KIF6: variants seen among roughly 807,000 people sequenced by gnomAD.
The protein encoded by KIF6 is kinesin family member 6.
A neutral mutation model predicts 112.7 loss-of-function variants in KIF6; 106 were observed. The ratio of observed to expected loss-of-function variants is 0.94; its 90% CI spans 0.80 to 1.11. The LOEUF is 1.11. KIF6 is among the 50% of genes least tolerant of loss of function. The pLI, the probability that KIF6 is intolerant of heterozygous loss-of-function variation, is 0.00. For missense variants in KIF6, 929 were observed against 964.0 expected, an observed-to-expected ratio of 0.96 and a Z score of 0.48; for synonymous variants, 339 against 339.9, an observed-to-expected ratio of 1.00 and a Z score of 0.03.
intron 3 of KIF6, among the ~76,000 whole-genome samples, chr6:39,648,834 A>G (rs1377351667): frequency 6.6e-6 from 1 of 152,130 alleles, no homozygotes; most frequent in Non-Finnish European, 1.5e-5. Flanking sequence ...GCGTAAAGGC[A>G]TGTGAGTTTA....
At chr6:39,646,361 T>C (rs1490055493) in intron 3 of KIF6, among the ~76,000 whole-genome samples, 1 of 152,046 alleles carries the variant, frequency 6.6e-6, no homozygotes, top group African/African-American at 2.4e-5. Flanking sequence ...GATTTTATAA[T>C]TGATGTCAGC....
In KIF6 at chr6:39,668,197, G is replaced by A. The variant is rs542999026; in HGVS notation, c.252-28440C>T. On this transcript the variant is annotated intron_variant, in intron 3 of 22. Coordinates refer to ENST00000287152, the MANE Select transcript of KIF6 (RefSeq NM_145027.6). ...CTTTATTAATTGCTTAGCCTCAGGC[G>A]TTCCTTTTTAGCAATGCAAGAACAG... Among the ~76,000 whole-genome samples the A allele has an allele frequency of 1.8e-3, 281 of 152,176 alleles. 1 individual carries two copies. Among genetic ancestry groups the A allele is most frequent in the African/African-American group, 6.6e-3 (273 of 41,520 alleles).
intron 5 of KIF6, among the ~76,000 whole-genome samples, chr6:39,631,939 A>G (rs1210049241): frequency 2.0e-5 from 3 of 152,162 alleles, no homozygotes; most frequent in Non-Finnish European, 4.4e-5. Context: ...TTCAACTTCT[A>G]TAATAGTTAT....
chr6:39,346,411 C>T (rs1763807612), intron 20 of KIF6, 65 bp downstream of exon 20: 2 of 716,388 alleles, frequency 2.8e-6, no homozygotes, highest in Non-Finnish European at 5.2e-6. Flanking sequence ...GCTCCCTTGC[C>T]CCTTCCACCA....
At chr6:39,545,267 T>A (rs1779004791) in intron 11 of KIF6, among the ~76,000 whole-genome samples, 1 of 152,210 alleles carries the variant, frequency 6.6e-6, no homozygotes, top group Non-Finnish European at 1.5e-5. Flanking sequence ...ATCAAACTGC[T>A]GAAAAAATAC....
At chr6:39,352,509 T>C (rs1445923416) in intron 19 of KIF6, among the ~76,000 whole-genome samples, 1 of 152,208 alleles carries the variant, frequency 6.6e-6, no homozygotes, top group African/African-American at 2.4e-5. Context: ...CAGAATGTTA[T>C]ATAGTTGGAA....
intron 14 of KIF6, among the ~76,000 whole-genome samples, chr6:39,426,230 T>G (rs957378489): frequency 6.6e-6 from 1 of 152,218 alleles, no homozygotes; most frequent in Admixed American, 6.5e-5. Context: ...AAAATGTGAT[T>G]GTGAATTGCA....
At position 39,342,998 on chromosome 6, in the gene KIF6, G is replaced by A. The variant is rs1763428435; in HGVS notation, c.2428+711C>T. ...TGTTAAGCCTGCCTAGTAGCCTTTGGGTTATGGGGAGGAGGCTAAGACAAA... is the reference window on the plus strand; with the variant it reads ...TGTTAAGCCTGCCTAGTAGCCTTTGAGTTATGGGGAGGAGGCTAAGACAAA... On this transcript the variant is annotated intron_variant, in intron 22 of 22. Coordinates refer to ENST00000287152, the MANE Select transcript of KIF6 (RefSeq NM_145027.6). This position sits in a 1 kb window ranked among gnomAD's most constrained non-coding sequence, Gnocchi z 4.7. 7.1e-6 allele frequency: 7 copies of A among 985,422 alleles called. No homozygotes were observed. Among genetic ancestry groups the A allele is most frequent in the Non-Finnish European group, 7.2e-6 (6 of 829,940 alleles). 61.0% of individuals were successfully genotyped at this position (985,422 alleles called of 1,614,324 possible).
intron 13 of KIF6, among the ~76,000 whole-genome samples, chr6:39,441,261 C>A (rs1405200838): frequency 6.6e-6 from 1 of 152,198 alleles, no homozygotes; most frequent in Non-Finnish European, 1.5e-5. Flanking sequence ...CTCTGCCAGT[C>A]AATCATCCCT....
chr6:39,674,302 A>C (rs1039809903), intron 3 of KIF6, among the ~76,000 whole-genome samples: 1 of 152,190 alleles, frequency 6.6e-6, no homozygotes, highest in Non-Finnish European at 1.5e-5. Flanking sequence ...CTTAGCAAGA[A>C]AGGAAAGAGG....
intron 16 of KIF6, among the ~76,000 whole-genome samples, chr6:39,384,510 G>T (rs1038939215): frequency 3.3e-5 from 5 of 152,266 alleles, no homozygotes; most frequent in Admixed American, 6.5e-5. Context: ...GAAGCTCAGA[G>T]CTCCAGTTGC....
At chr6:39,364,111 G>C (rs572716778) in intron 16 of KIF6, among the ~76,000 whole-genome samples, 1 of 129,518 alleles carries the variant, frequency 7.7e-6, no homozygotes, top group African/African-American at 3.2e-5. Flanking sequence ...TTTTTTTTTT[G>C]AGATGGAGTC....
At chr6:39,567,248 G>A (rs556900148) in intron 10 of KIF6, among the ~76,000 whole-genome samples, 15 of 152,258 alleles carry the variant, frequency 9.9e-5, no homozygotes, top group African/African-American at 2.4e-4. Flanking sequence ...ATCAATCCTC[G>A]TAAGAGCCTT....
chr6:39,366,892 AT>A (rs1269715326), intron 16 of KIF6, among the ~76,000 whole-genome samples: 761 of 142,322 alleles, frequency 5.3e-3, no homozygotes, highest in Admixed American at 5.4e-3. Context: ...TAAGTTGAGC[AT>A]TTTTTTTTTT....
At chr6:39,575,517 G>A (rs536792279) in intron 10 of KIF6, among the ~76,000 whole-genome samples, 12 of 152,248 alleles carry the variant, frequency 7.9e-5, no homozygotes, top group South Asian at 2.1e-4. Flanking sequence ...TGATCCGCCC[G>A]CCTTGGCCTT....
chr6:39,441,545 C>T (rs1000948266), intron 13 of KIF6, among the ~76,000 whole-genome samples: 4 of 152,238 alleles, frequency 2.6e-5, no homozygotes, highest in Middle Eastern at 3.4e-3. Flanking sequence ...CCATCTGTCA[C>T]GGTTCTGCTG....
chr6:39,510,872 C>CAAAAAAAAAAAAAAAAAAAAA (rs1180631310), intron 13 of KIF6, among the ~76,000 whole-genome samples: 1 of 23,858 alleles, frequency 4.2e-5, no homozygotes. Flanking sequence ...AAATGGGAAG[C>CAAAAAAAAAAAAAAAAAAAAA]AAAAAAAAAA....
intron 3 of KIF6, among the ~76,000 whole-genome samples, chr6:39,643,690 T>G (rs749942037): frequency 3.3e-5 from 5 of 152,050 alleles, no homozygotes; most frequent in Non-Finnish European, 7.4e-5. Context: ...ATCACAGACC[T>G]AATGTAAGAG....
chr6:39,442,297 A>T (rs1771965788), intron 13 of KIF6, among the ~76,000 whole-genome samples: 3 of 152,228 alleles, frequency 2.0e-5, no homozygotes, highest in Admixed American at 2.0e-4. Context: ...AGCCTCTGAA[A>T]AAATGGCAGC....
Sources: gnomAD v4.1 joint callset for allele counts (sites outside exome capture counted in the v4.1 genomes callset) on GRCh38, gnomAD v4.1.1 for gene constraint, Gnocchi (gnomAD v3.1) non-coding constraint, MANE v1.5 for transcripts, NCBI Gene and HGNC (gene_info 2026-07-23, HGNC 2026-07-21) for gene names.